Variants in PAK4 observed in about 807,000 individuals in gnomAD.
The protein encoded by PAK4 is serine/threonine-protein kinase PAK 4.
A neutral mutation model predicts 53.5 loss-of-function variants in PAK4; 49 were observed. The ratio of observed to expected loss-of-function variants is 0.92; its 90% confidence interval spans 0.73 to 1.16. The LOEUF (loss-of-function observed/expected upper bound fraction) is 1.16, where lower values mean the gene tolerates loss of function less well. Among genes scored for constraint, PAK4 ranks in the 50% most tolerant of loss-of-function variants. The pLI is 0.00. For synonymous variants in PAK4, 376 were observed against 375.6 expected (o/e 1.00, Z -0.01); for missense variants, 824 against 850.7 (o/e 0.97, Z 0.39).
At chr19:39,147,215 T>C (rs1368341081) in intron 1 of PAK4, among the ~76,000 whole-genome samples, 2 of 152,106 alleles carry the variant, frequency 1.3e-5, no homozygotes, top group African/African-American at 2.4e-5. Context: ...TATTCCCCCA[T>C]TGTTAGGATT....
At chr19:39,159,961 GCA>G (rs2074257141) in intron 1 of PAK4, among the ~76,000 whole-genome samples, 1 of 152,086 alleles carries the variant, frequency 6.6e-6, no homozygotes, top group African/African-American at 2.4e-5. Flanking sequence ...ATTTCCAGAG[GCA>G]CCCCCCATGT....
rs570903843 is a variant in PAK4, at chr19:39,163,552, G to C, written c.-22-5980G>C. On this transcript the variant is annotated intron_variant, in intron 1 of 8. Coordinates refer to ENST00000358301, the Ensembl canonical transcript of PAK4. ...TTCCTCCCAGAAAAGGTCAGAGGAT[G>C]CAGGGGGTGACTGGAAAATCTGAAG... Among the ~76,000 whole-genome samples, 3 of 152,304 alleles carry C rather than the reference G, an allele frequency of 2.0e-5. No individual in the cohort carries two copies. The East Asian group carries it at 5.8e-4, about 29-fold the overall frequency.
At chr19:39,137,955 T>C (rs561474140) in intron 1 of PAK4, among the ~76,000 whole-genome samples, 3 of 151,548 alleles carry the variant, frequency 2.0e-5, no homozygotes, top group East Asian at 3.9e-4. Context: ...CGGGAGCCAC[T>C]GTGCCTAGTG....
chr19:39,151,600 C>T (rs1216869563), intron 1 of PAK4, among the ~76,000 whole-genome samples: 1 of 152,214 alleles, frequency 6.6e-6, no homozygotes, highest in Non-Finnish European at 1.5e-5. Context: ...CCAGACATCA[C>T]GGTCCTTCCA....
At chr19:39,160,708 G>T (rs1215747469) in intron 1 of PAK4, among the ~76,000 whole-genome samples, 1 of 152,246 alleles carries the variant, frequency 6.6e-6, no homozygotes, top group East Asian at 1.9e-4. Flanking sequence ...GGCCCTCCCA[G>T]TCAGGGCCGT....
At position 39,178,568 on chromosome 19, in the gene PAK4, C is replaced by T. The variant is rs777065908; in HGVS notation, c.1765C>T (p.Arg589Cys). Residue 589 changes from arginine (R) to cysteine (C), a missense_variant, in exon 9 of 9, where the codon CGC becomes TGC. Around this residue, in one of 2 missense-constraint regions of PAK4, gnomAD observed 346 missense variants for 415.0 expected, o/e 0.83. Coordinates refer to ENST00000358301, the Ensembl canonical transcript of PAK4. The surrounding 1 kb of genome is among the most constrained non-coding windows in gnomAD (Gnocchi z 4.4). ...CATCGTGCCCCTCATGCGCCAGAAC[C>T]GCACCAGATGAGGCCCAGCGCCCTT... 15 of 1,600,952 alleles carry T rather than the reference C, an allele frequency of 9.4e-6. No homozygotes were observed. The highest frequency in any genetic ancestry group is 5.4e-5 in the African/African-American group (4 of 74,588).
At chr19:39,132,322 C>T (rs2073728197) in intron 1 of PAK4, among the ~76,000 whole-genome samples, 1 of 152,202 alleles carries the variant, frequency 6.6e-6, no homozygotes, top group Non-Finnish European at 1.5e-5. Context: ...AATCTCTTTC[C>T]CACCCGCCTG....
intron 1 of PAK4, among the ~76,000 whole-genome samples, chr19:39,163,585 T>C (rs770619110): frequency 6.6e-6 from 1 of 152,208 alleles, no homozygotes; most frequent in African/African-American, 2.4e-5. Flanking sequence ...AAGTGTCTGC[T>C]AGGCCAGGTC....
Position 39,175,793 on chromosome 19 carries a change from TC to T in PAK4, c.1359+357del, listed in dbSNP as rs2074593016. On this transcript the variant is annotated intron_variant, in intron 6 of 8. Coordinates refer to ENST00000358301, the Ensembl canonical transcript of PAK4. The surrounding 1 kb of genome is among the most constrained non-coding windows in gnomAD (Gnocchi z 4.7). ...CGGTCCATGGACCCCAGTCCTGTCT[TC>T]CATGCTTTGGACTGAGGTTCCAAAT... is the stretch of plus-strand genomic sequence containing the variant. Among the ~76,000 whole-genome samples the T allele has an allele frequency of 6.6e-6, 1 of 152,224 alleles. No homozygotes were observed. Among genetic ancestry groups the T allele is most frequent in the Admixed American group, 6.5e-5 (1 of 15,286 alleles).
chr19:39,153,200 C>G (rs1325424551), intron 1 of PAK4, among the ~76,000 whole-genome samples: 1 of 152,096 alleles, frequency 6.6e-6, no homozygotes, highest in Non-Finnish European at 1.5e-5. Context: ...ATGGTGCCAG[C>G]CTCCCCCAAC....
In PAK4 at chr19:39,130,583, G is replaced by A. The variant is rs181064999; in HGVS notation, c.-23+4664G>A. Among the ~76,000 whole-genome samples the A allele has an allele frequency of 4.0e-4, 61 of 152,108 alleles. 1 individual carries two copies. The highest frequency in any genetic ancestry group is 1.2e-3 in the African/African-American group (48 of 41,484). ...ATGGTCGAGGATCATCAGATAGGCC[G>A]GTGTAGGCTATGCTGTGCACCCTGA... On this transcript the variant is annotated intron_variant, in intron 1 of 8. Coordinates refer to ENST00000358301, the Ensembl canonical transcript of PAK4.
At chr19:39,160,384 C>T (rs949499374) in intron 1 of PAK4, among the ~76,000 whole-genome samples, 1 of 152,230 alleles carries the variant, frequency 6.6e-6, no homozygotes, top group African/African-American at 2.4e-5. Context: ...GGTCCCTGCC[C>T]TCAGGGCACT....
intron 1 of PAK4, among the ~76,000 whole-genome samples, chr19:39,151,490 G>A (rs994610177): frequency 6.6e-6 from 1 of 152,220 alleles, no homozygotes; most frequent in Admixed American, 6.5e-5. Flanking sequence ...AGACAAACTT[G>A]CACACCTGTG....
At chr19:39,157,774 C>G (rs1021317945) in intron 1 of PAK4, among the ~76,000 whole-genome samples, 2 of 152,242 alleles carry the variant, frequency 1.3e-5, no homozygotes, top group Non-Finnish European at 2.9e-5. Context: ...CTGCTGTTGC[C>G]GGCTAGCCGG....
intron 4 of PAK4, among the ~76,000 whole-genome samples, chr19:39,174,357 G>T (rs1010379163): frequency 9.9e-5 from 15 of 150,910 alleles, no homozygotes; most frequent in Non-Finnish European, 2.2e-4. Flanking sequence ...CCTGTGCCCC[G>T]CCCTGGCCTC....
Position 39,178,604 on chromosome 19 carries a change from A to G in PAK4, c.*25A>G, listed in dbSNP as rs1450272969. The G allele has an allele frequency of 6.5e-7, 1 of 1,548,290 alleles. No individual in the cohort carries two copies. The highest frequency in any genetic ancestry group is 2.3e-5 in the East Asian group (1 of 42,948). ...AGGCCCAGCGCCCTTCCCCTCAACC[A>G]AAGAGCCCCCCGGGTCACCCCCGCC... On this transcript the variant is annotated 3_prime_UTR_variant, in exon 9 of 9. Transcript: ENST00000358301. This position sits in a 1 kb window ranked among gnomAD's most constrained non-coding sequence, Gnocchi z 4.4.
chr19:39,141,793 G>A (rs796130817), intron 1 of PAK4, among the ~76,000 whole-genome samples: 4 of 152,070 alleles, frequency 2.6e-5, no homozygotes, highest in Admixed American at 6.5e-5. Flanking sequence ...CCGCCACCAC[G>A]CCTGGCTAAG....
downstream of PAK4, chr19:39,181,194 T>C (rs1183393546): frequency 6.6e-6 from 1 of 152,504 alleles, no homozygotes; most frequent in Non-Finnish European, 1.5e-5. Flanking sequence ...TCCTCCCTCC[T>C]TGGCCCCGCA....
At position 39,178,369 on chromosome 19, in the gene PAK4, C is replaced by T; in HGVS notation, c.1621-55C>T. ...GGCAGAGGCGGACACTGCAGCCCTACAGCAAATGAACAGTGGGGAGCCTCG... is the reference window on the plus strand; with the variant it reads ...GGCAGAGGCGGACACTGCAGCCCTATAGCAAATGAACAGTGGGGAGCCTCG... On this transcript the variant is annotated intron_variant, in intron 8 of 8. Transcript: ENST00000358301. The surrounding 1 kb of genome is among the most constrained non-coding windows in gnomAD (Gnocchi z 4.4). The T allele has an allele frequency of 1.3e-6, 2 of 1,542,114 alleles. No individual in the cohort carries two copies. Among genetic ancestry groups the T allele is most frequent in the East Asian group, 4.9e-5 (2 of 40,962 alleles).
Sources: gnomAD v4.1 joint callset for allele counts (sites outside exome capture counted in the v4.1 genomes callset) on GRCh38, gnomAD v4.1.1 for gene constraint, gnomAD v4.1.1 regional missense constraint, Gnocchi (gnomAD v3.1) non-coding constraint, MANE v1.5 for transcripts, NCBI Gene and HGNC (gene_info 2026-07-23, HGNC 2026-07-21) for gene names.